Variants in LPAR6 observed in about 807,000 individuals in gnomAD.
LPAR6 encodes lysophosphatidic acid receptor 6, also known as G-protein coupled purinergic receptor P2Y5.
LPAR6 carries 17 observed loss-of-function variants against 22.0 expected under a neutral mutation model. That is an observed-to-expected ratio of 0.77 (90% CI 0.53 to 1.16). The LOEUF is 1.16. Among genes scored for constraint, LPAR6 ranks in the 50% most tolerant of loss-of-function variants. The pLI is 0.00. For missense variants in LPAR6, 384 were observed against 406.9 expected, an observed-to-expected ratio of 0.94 and a Z score of 0.48; for synonymous variants, 136 against 139.8, an observed-to-expected ratio of 0.97 and a Z score of 0.19.
chr13:48,424,385 A>C lies in LPAR6; in HGVS notation c.-1094-1595T>G, dbSNP rs190519132. On this transcript the variant is annotated intron_variant, in intron 1 of 4. Coordinates refer to the LPAR6 transcript ENST00000345941. ...TACCCAAGTTCAAAGAGTTGAACCA[A>C]CTTTTATAGAGTTGGATGGGAGTAG... Among the ~76,000 whole-genome samples, 717 of 152,316 alleles carry C rather than the reference A, an allele frequency of 4.7e-3. 3 individuals are homozygous for C. Among genetic ancestry groups the C allele is most frequent in the African/African-American group, 0.016 (678 of 41,570 alleles).
chr13:48,397,775 T>C (rs1337540837), intron 1 of LPAR6, among the ~76,000 whole-genome samples: 3 of 152,202 alleles, frequency 2.0e-5, no homozygotes, highest in African/African-American at 7.2e-5. Context: ...TTGACAAACT[T>C]ATAAACAAAA....
At chr13:48,420,604 T>C (rs114455139) in intron 2 of LPAR6, among the ~76,000 whole-genome samples, 5,688 of 152,266 alleles carry the variant, frequency 0.037, 343 homozygotes, top group African/African-American at 0.12. Flanking sequence ...ATTGTCTCTG[T>C]TTGCAGAGAC....
upstream of LPAR6, among the ~76,000 whole-genome samples, chr13:48,417,765 AG>A (rs1385830219): frequency 6.6e-6 from 1 of 152,214 alleles, no homozygotes; most frequent in Admixed American, 6.5e-5. Flanking sequence ...CCAAAGCAGA[AG>A]AAAGGATATC....
At position 48,436,611 on chromosome 13, in the gene LPAR6, C is replaced by G. The variant is rs182467376; in HGVS notation, c.-1474+7942G>C. Among the ~76,000 whole-genome samples the G allele has an allele frequency of 1.8e-4, 28 of 151,812 alleles. No homozygotes were observed. The East Asian group carries it at 5.0e-3, about 27-fold the overall frequency. On this transcript the variant is annotated intron_variant, in intron 1 of 6. Transcript: ENST00000378434. ...TGAGCCAAGATTGCACCACTGCACT[C>G]CAGCCTGGGTGACAAGAGCAAGACT...
chr13:48,419,733 A>G (rs549444678), intron 2 of LPAR6, among the ~76,000 whole-genome samples: 1 of 152,354 alleles, frequency 6.6e-6, no homozygotes, highest in East Asian at 1.9e-4. Context: ...AGAAATACAA[A>G]CTACCATCAG....
intron 1 of LPAR6, among the ~76,000 whole-genome samples, chr13:48,393,720 G>C (rs1390447045): frequency 1.3e-5 from 2 of 152,114 alleles, no homozygotes; most frequent in African/African-American, 4.8e-5. Context: ...TGTTTCAGAG[G>C]GGTGCTTACT....
chr13:48,435,186 C>T lies in LPAR6; in HGVS notation c.-1474+9367G>A, dbSNP rs527405559. Among the ~76,000 whole-genome samples, 7 of 152,322 alleles carry T rather than the reference C, an allele frequency of 4.6e-5. No individual in the cohort carries two copies. The South Asian group carries it at 1.4e-3, about 32-fold the overall frequency. ...ATTTTAAATTTCCGCCAGCAATATA[C>T]GAGTGAGTGATCCAGTTTCTCTGCA... On this transcript the variant is annotated intron_variant, in intron 1 of 6. Transcript: ENST00000378434.
At chr13:48,425,349 G>A (rs1243479331) in intron 1 of LPAR6, among the ~76,000 whole-genome samples, 1 of 152,182 alleles carries the variant, frequency 6.6e-6, no homozygotes, top group Non-Finnish European at 1.5e-5. Flanking sequence ...TCTCAAGGAT[G>A]CTATGTAACC....
intron 1 of LPAR6, among the ~76,000 whole-genome samples, chr13:48,390,333 C>G (rs1454725854): frequency 6.6e-6 from 1 of 152,036 alleles, no homozygotes; most frequent in Non-Finnish European, 1.5e-5. Flanking sequence ...GTTGTTTCAC[C>G]TTAGAATTTC....
chr13:48,442,320 C>A (rs190283377), intron 1 of LPAR6, among the ~76,000 whole-genome samples: 70 of 152,282 alleles, frequency 4.6e-4, no homozygotes, highest in Admixed American at 4.2e-3. Flanking sequence ...CCTTCCTCAG[C>A]CTCCCGAGTA....
upstream of LPAR6, among the ~76,000 whole-genome samples, chr13:48,415,262 T>TTTTTC (rs576109278): frequency 4.6e-5 from 7 of 151,934 alleles, no homozygotes; most frequent in South Asian, 2.1e-4. Flanking sequence ...CATCTATAGT[T>TTTTTC]TTTTCTTTTC....
chr13:48,410,381 A>G (rs1208166432), downstream of LPAR6, among the ~76,000 whole-genome samples: 2 of 152,206 alleles, frequency 1.3e-5, no homozygotes, highest in African/African-American at 2.4e-5. Context: ...TGTACCATAT[A>G]AGCCTAGGTG....
intron 1 of LPAR6, among the ~76,000 whole-genome samples, chr13:48,425,693 G>GAA (rs143703157): frequency 3.3e-5 from 5 of 149,322 alleles, no homozygotes; most frequent in African/African-American, 7.4e-5. Context: ...ACTCTTAAAG[G>GAA]AAAAAAAAAA....
chr13:48,415,283 C>A (rs1261563378), upstream of LPAR6, among the ~76,000 whole-genome samples: 1 of 150,956 alleles, frequency 6.6e-6, no homozygotes, highest in Non-Finnish European at 1.5e-5. Context: ...TTTTCTTTTT[C>A]TTTTTCTTTC....
intron 1 of LPAR6, among the ~76,000 whole-genome samples, chr13:48,435,576 A>G (rs117454225): frequency 1.3e-5 from 2 of 152,160 alleles, no homozygotes; most frequent in Non-Finnish European, 2.9e-5. Flanking sequence ...ATTTTCATAA[A>G]GTCCAGTTTA....
At chr13:48,421,174 A>C (rs939981623) in intron 2 of LPAR6, among the ~76,000 whole-genome samples, 3 of 152,208 alleles carry the variant, frequency 2.0e-5, no homozygotes, top group African/African-American at 7.2e-5. Flanking sequence ...TGGTATTGGT[A>C]CCAAAACAGA....
At chr13:48,414,407 G>A (rs563270056), upstream of LPAR6, among the ~76,000 whole-genome samples, 3 of 151,830 alleles carry the variant, frequency 2.0e-5, no homozygotes, top group Non-Finnish European at 1.5e-5. Flanking sequence ...GAAAGTGTGT[G>A]TAAGGTGAGG....
chr13:48,435,838 T>C (rs1164572203), intron 1 of LPAR6, among the ~76,000 whole-genome samples: 6 of 152,186 alleles, frequency 3.9e-5, no homozygotes, highest in Non-Finnish European at 5.9e-5. Context: ...TGATTTGCTT[T>C]TGTATCTTTG....
chr13:48,436,121 G>T (rs1246344909), intron 1 of LPAR6, among the ~76,000 whole-genome samples: 2 of 152,184 alleles, frequency 1.3e-5, no homozygotes, highest in Non-Finnish European at 2.9e-5. Context: ...TACTATGGGT[G>T]ATTAGGTGGT....
Sources: gnomAD v4.1 joint callset for allele counts (sites outside exome capture counted in the v4.1 genomes callset) on GRCh38, gnomAD v4.1.1 for gene constraint, MANE v1.5 for transcripts, NCBI Gene and HGNC (gene_info 2026-07-23, HGNC 2026-07-21) for gene names.